The following PRKG1 variants were observed in gnomAD, a reference collection of about 807,000 sequenced individuals.
PRKG1 encodes cGMP-dependent protein kinase 1.
Under a neutral mutation model 88.1 loss-of-function variants are expected in PRKG1, and 35 were observed. The observed-to-expected ratio is 0.40, with a 90% confidence interval of 0.30 to 0.53. PRKG1 has a LOEUF of 0.53. PRKG1 is among the 20% of genes least tolerant of loss of function. The probability of loss-of-function intolerance (pLI) is 0.59; values close to 1 mark genes in which losing one functional copy is unlikely to be tolerated. For missense variants in PRKG1, 540 were observed against 839.8 expected, an observed-to-expected ratio of 0.64 and a Z score of 4.41; for synonymous variants, 303 against 292.5, an observed-to-expected ratio of 1.04 and a Z score of -0.37.
chr10:51,962,897 G>A (rs1486148845), intron 5 of PRKG1, among the ~76,000 whole-genome samples: 1 of 152,108 alleles, frequency 6.6e-6, no homozygotes, highest in Non-Finnish European at 1.5e-5. Context: ...TGAGATGAGT[G>A]GGGGAAATGT....
intron 5 of PRKG1, among the ~76,000 whole-genome samples, chr10:51,977,304 T>A (rs1843862583): frequency 6.6e-6 from 1 of 152,074 alleles, no homozygotes; most frequent in African/African-American, 2.4e-5. Flanking sequence ...ATGATCTTAT[T>A]CGTTTTTATG....
At chr10:52,084,790 A>G (rs1324183583) in intron 7 of PRKG1, among the ~76,000 whole-genome samples, 1 of 152,008 alleles carries the variant, frequency 6.6e-6, no homozygotes, top group Non-Finnish European at 1.5e-5. Context: ...AGTTGTCTCA[A>G]TAATGTTCTT....
intron 5 of PRKG1, among the ~76,000 whole-genome samples, chr10:51,979,355 T>G (rs919238468): frequency 6.7e-6 from 1 of 149,618 alleles, no homozygotes; most frequent in African/African-American, 2.4e-5. Flanking sequence ...TGGATTTGGT[T>G]TGACAGTATT....
chr10:52,072,679 C>G (rs1334336153), intron 7 of PRKG1, among the ~76,000 whole-genome samples: 1 of 152,114 alleles, frequency 6.6e-6, no homozygotes, highest in African/African-American at 2.4e-5. Context: ...CTTTCTTCTC[C>G]TAAAATTTCC....
chr10:52,185,434 C>A (rs1363152830), intron 9 of PRKG1, among the ~76,000 whole-genome samples: 3 of 152,150 alleles, frequency 2.0e-5, no homozygotes, highest in Non-Finnish European at 4.4e-5. Flanking sequence ...CAGGGTGTAC[C>A]CCCTGTGGCA....
chr10:51,149,275 C>T (rs1322567957), intron 1 of PRKG1, among the ~76,000 whole-genome samples: 2 of 152,082 alleles, frequency 1.3e-5, no homozygotes, highest in Admixed American at 6.6e-5. Flanking sequence ...TTACATATTG[C>T]TAGCCTACTG....
At chr10:51,439,258 A>G (rs1001243003) in intron 2 of PRKG1, among the ~76,000 whole-genome samples, 1 of 151,864 alleles carries the variant, frequency 6.6e-6, no homozygotes, top group Non-Finnish European at 1.5e-5. Flanking sequence ...GTACAATTAG[A>G]CTATGGCTTA....
At chr10:51,623,367 A>AT (rs1839256901) in intron 3 of PRKG1, among the ~76,000 whole-genome samples, 1 of 152,058 alleles carries the variant, frequency 6.6e-6, no homozygotes, top group African/African-American at 2.4e-5. Context: ...TGACTGGCTA[A>AT]TTTTTTTAAC....
intron 4 of PRKG1, among the ~76,000 whole-genome samples, chr10:51,836,650 A>C (rs780240783): frequency 3.3e-5 from 5 of 152,164 alleles, no homozygotes; most frequent in Non-Finnish European, 7.3e-5. Context: ...GGTATACACT[A>C]TCCAAAATAT....
intron 3 of PRKG1, among the ~76,000 whole-genome samples, chr10:51,724,667 G>A (rs903563242): frequency 1.3e-4 from 20 of 152,058 alleles, no homozygotes; most frequent in Non-Finnish European, 2.1e-4. Flanking sequence ...TGGGATTATA[G>A]GCAAGAGCCA....
intron 9 of PRKG1, among the ~76,000 whole-genome samples, chr10:52,208,612 G>A (rs971185860): frequency 7.2e-5 from 11 of 152,110 alleles, no homozygotes; most frequent in South Asian, 2.1e-4. Context: ...ACACTTACAC[G>A]CCATTAATGT....
chr10:51,355,517 C>A (rs1293221826), intron 2 of PRKG1, among the ~76,000 whole-genome samples: 1 of 151,940 alleles, frequency 6.6e-6, no homozygotes, highest in Non-Finnish European at 1.5e-5. Context: ...AAACATTAAC[C>A]AGAGAAAAGC....
chr10:51,125,990 T>C lies in PRKG1; in HGVS notation c.312-27174T>C, dbSNP rs868014458. Among the ~76,000 whole-genome samples the C allele has an allele frequency of 1.7e-3, 215 of 126,230 alleles. 2 individuals are homozygous for C. The highest frequency in any genetic ancestry group is 6.5e-3 in the African/African-American group (207 of 31,698). 82.8% of individuals were successfully genotyped at this position (126,230 alleles called of 152,430 possible). A position where few individuals can be genotyped will look rare whatever the true frequency, so the allele number is the denominator to read the frequency against. On this transcript the variant is annotated intron_variant, in intron 1 of 17. Transcript: ENST00000373980. Reference sequence around the variant, plus strand: ...ATATAATTATATATACATATAATTATATAAATGATATAATTTATATATAAT... The same window carrying C: ...ATATAATTATATATACATATAATTACATAAATGATATAATTTATATATAAT...
At chr10:52,054,900 C>T (rs1046381034) in intron 6 of PRKG1, among the ~76,000 whole-genome samples, 5 of 152,144 alleles carry the variant, frequency 3.3e-5, no homozygotes, top group South Asian at 2.1e-4. Context: ...TTTGGGAGGC[C>T]GAGGCAGGTG....
intron 2 of PRKG1, among the ~76,000 whole-genome samples, chr10:51,248,804 A>C (rs186440109): frequency 8.8e-6 from 1 of 114,000 alleles, no homozygotes; most frequent in East Asian, 2.0e-4. Flanking sequence ...TAGAAATTAC[A>C]AAAAAAAACA....
intron 3 of PRKG1, among the ~76,000 whole-genome samples, chr10:51,752,953 C>T (rs1837764372): frequency 6.6e-6 from 1 of 152,072 alleles, no homozygotes; most frequent in Non-Finnish European, 1.5e-5. Context: ...CTGTCTATAA[C>T]ATGGTCATTA....
chr10:52,273,571 T>G (rs1841789686), intron 12 of PRKG1, among the ~76,000 whole-genome samples: 1 of 152,240 alleles, frequency 6.6e-6, no homozygotes, highest in East Asian at 1.9e-4. Flanking sequence ...TATGGTACCT[T>G]CATATCTTTG....
At position 51,400,069 on chromosome 10, in the gene PRKG1, G is replaced by T. The variant is rs189289935; in HGVS notation, c.479-67654G>T. On this transcript the variant is annotated intron_variant, in intron 2 of 17. Coordinates refer to ENST00000373980, the MANE Select transcript of PRKG1 (RefSeq NM_006258.4). ...TTTAATTAGCCAGTCATTGTTGGTT[G>T]TTTCTATCTAAGAACCAGGTCTGAT... 6.1e-4 allele frequency among the ~76,000 whole-genome samples: 93 copies of T among 152,186 alleles called. 1 individual carries two copies. Among genetic ancestry groups the T allele is most frequent in the African/African-American group, 2.1e-3 (86 of 41,526 alleles).
chr10:52,146,160 AC>A lies in PRKG1; in HGVS notation c.1001+12256del, dbSNP rs574595306. 6.4e-4 allele frequency among the ~76,000 whole-genome samples: 98 copies of A among 152,204 alleles called. 1 individual carries two copies. Among genetic ancestry groups the A allele is most frequent in the Non-Finnish European group, 9.7e-4 (66 of 68,034 alleles). Reference sequence around the variant, plus strand: ...ATTTTTCATTATTCCCATGGGGTTCACTTTAAATCTTCTCTCTTTTTTTACC... The same window carrying A: ...ATTTTTCATTATTCCCATGGGGTTCATTTAAATCTTCTCTCTTTTTTTACC... On this transcript the variant is annotated intron_variant, in intron 8 of 17. Coordinates refer to ENST00000373980, the MANE Select transcript of PRKG1 (RefSeq NM_006258.4).
Sources: gnomAD v4.1 joint callset for allele counts (sites outside exome capture counted in the v4.1 genomes callset) on GRCh38, gnomAD v4.1.1 for gene constraint, MANE v1.5 for transcripts, NCBI Gene and HGNC (gene_info 2026-07-23, HGNC 2026-07-21) for gene names.